PNPLA7: variants seen among roughly 807,000 people sequenced by gnomAD.
PNPLA7 encodes the protein patatin like domain 7, lysophospholipase.
PNPLA7 carries 153 observed loss-of-function variants against 161.7 expected under a neutral mutation model. That is an observed-to-expected ratio of 0.95 (90% confidence interval 0.83 to 1.08). PNPLA7 has a LOEUF of 1.08. Among genes scored for constraint, PNPLA7 ranks in the 50% least tolerant of loss-of-function variants. The pLI, the probability that PNPLA7 is intolerant of heterozygous loss-of-function variation, is 0.00. For synonymous variants in PNPLA7, 809 were observed against 782.1 expected (o/e 1.03, Z -0.57); for missense variants, 1,739 against 1,856.6 (o/e 0.94, Z 1.16).
Position 137,461,524 on chromosome 9 carries a change from G to A in PNPLA7, c.3841+12C>T, listed in dbSNP as rs372337892. 3.7e-6 allele frequency: 6 copies of A among 1,608,984 alleles called. No homozygotes were observed. The highest frequency in any genetic ancestry group is 2.2e-5 in the South Asian group (2 of 90,680). ...GCACGTCTCCACGGCTTCGTCTTGC[G>A]CCTCCACTCACCATCCACCATGGCG... On this transcript the variant is annotated intron_variant, in intron 33 of 34. Coordinates refer to ENST00000406427, the MANE Select transcript of PNPLA7 (RefSeq NM_001098537.3).
intron 14 of PNPLA7, among the ~76,000 whole-genome samples, chr9:137,503,931 AGAAGAAGAAGGAAGAAT>A (rs1564325391): frequency 4.3e-3 from 16 of 3,696 alleles, no homozygotes; most frequent in Admixed American, 0.011. Context: ...AGAAGAAGGA[AGAAGAAGAAGGAAGAAT>A]GAAGAAGAAG....
At chr9:137,477,818 C>T (rs986282160) in intron 25 of PNPLA7, among the ~76,000 whole-genome samples, 1 of 152,210 alleles carries the variant, frequency 6.6e-6, no homozygotes, top group Non-Finnish European at 1.5e-5. Context: ...AAACCAGGGC[C>T]ACTTTGGGTG....
At chr9:137,516,419 T>C in intron 11 of PNPLA7, 2 of 985,152 alleles carry the variant, frequency 2.0e-6, no homozygotes, top group Non-Finnish European at 2.4e-6. Context: ...CCCTGGTCTC[T>C]GCCAAGACCT....
Position 137,461,574 on chromosome 9 carries a change from A to T in PNPLA7, c.3803T>A (p.Val1268Glu). The T allele has an allele frequency of 6.2e-7, 1 of 1,612,806 alleles. No homozygotes were observed. The highest frequency in any genetic ancestry group is 1.1e-5 in the South Asian group (1 of 91,010). Reference sequence around the variant, plus strand: ...GGGCTTGGCGGGCTCAATGCGAGACACAATTTCGGCAAGGTCCGTGAAGGA... The same window carrying T: ...GGGCTTGGCGGGCTCAATGCGAGACTCAATTTCGGCAAGGTCCGTGAAGGA... ...NASFTDLAEI[V>E]SRIEPAKPAM... The change falls in exon 33 of 35, where the codon GTG (valine) becomes GAG (glutamate). Residue 1268 changes from valine (V) to glutamate (E), a missense_variant. Val to Glu is a moderately radical substitution (Grantham distance 121, BLOSUM62 -2). This residue lies in a region of PNPLA7 where 703 missense variants were observed against 694.6 expected (regional missense o/e 1.01). Coordinates refer to ENST00000406427, the MANE Select transcript of PNPLA7 (RefSeq NM_001098537.3).
intron 11 of PNPLA7, among the ~76,000 whole-genome samples, chr9:137,518,420 A>G (rs1182086601): frequency 2.3e-5 from 1 of 43,156 alleles, no homozygotes; most frequent in African/African-American, 1.2e-4. Flanking sequence ...TGCTCACTCC[A>G]TCCCCCACTC....
At chr9:137,518,852 C>A (rs1381049935) in intron 11 of PNPLA7, among the ~76,000 whole-genome samples, 3 of 125,732 alleles carry the variant, frequency 2.4e-5, no homozygotes, top group Admixed American at 1.5e-4. Flanking sequence ...ACTCCATCCC[C>A]CACTCACTCA....
intron 4 of PNPLA7, among the ~76,000 whole-genome samples, chr9:137,544,983 T>C (rs1221629937): frequency 6.6e-6 from 1 of 151,968 alleles, no homozygotes; most frequent in Non-Finnish European, 1.5e-5. Flanking sequence ...CACGAATTAG[T>C]TGTACAACCA....
chr9:137,499,787 C>T lies in PNPLA7; in HGVS notation c.1757+904G>A, dbSNP rs188481988. ...GGATTACAGGCGTGAGCCGCTGCAC[C>T]CAGCCGACCTGTTTTCTTCAGCTGC... On this transcript the variant is annotated intron_variant, in intron 16 of 34. Coordinates refer to ENST00000406427, the MANE Select transcript of PNPLA7 (RefSeq NM_001098537.3). The surrounding 1 kb of genome is among the most constrained non-coding windows in gnomAD (Gnocchi z 5.5). Among the ~76,000 whole-genome samples, 8 of 152,350 alleles carry T rather than the reference C, an allele frequency of 5.3e-5. No homozygotes were observed. The highest frequency in any genetic ancestry group is 8.8e-5 in the Non-Finnish European group (6 of 68,026).
At chr9:137,491,912 T>C in intron 20 of PNPLA7, 1 of 985,282 alleles carries the variant, frequency 1.0e-6, no homozygotes, top group Non-Finnish European at 1.2e-6. Flanking sequence ...GCTGGGCGGA[T>C]GGGGAGGCCA....
At position 137,548,472 on chromosome 9, in the gene PNPLA7, G is replaced by A. The variant is rs577119323; in HGVS notation, c.31-813C>T. Among the ~76,000 whole-genome samples, 14 of 152,328 alleles carry A rather than the reference G, an allele frequency of 9.2e-5. No individual in the cohort carries two copies. In the East Asian group the frequency reaches 2.7e-3, roughly 29 times the overall value. On this transcript the variant is annotated intron_variant, in intron 1 of 34. Coordinates refer to ENST00000406427, the MANE Select transcript of PNPLA7 (RefSeq NM_001098537.3). ...GTGCCAGAAAATCCAGGGAAGGGCC[G>A]GGCGCAGTGGCTCACGCCTGCAATC... is the stretch of plus-strand genomic sequence containing the variant.
intron 23 of PNPLA7, chr9:137,479,619 A>G: frequency 3.0e-6 from 3 of 985,490 alleles, no homozygotes; most frequent in Non-Finnish European, 3.6e-6. Flanking sequence ...TAGCTGCCCC[A>G]GGATTAGCCC....
intron 26 of PNPLA7, among the ~76,000 whole-genome samples, chr9:137,465,522 G>A (rs1286646386): frequency 6.6e-6 from 1 of 152,218 alleles, no homozygotes; most frequent in East Asian, 1.9e-4. Context: ...TCTGTCCCGA[G>A]GACGCTGTCC....
intron 8 of PNPLA7, among the ~76,000 whole-genome samples, chr9:137,539,945 C>A (rs1362798709): frequency 6.6e-6 from 1 of 152,134 alleles, no homozygotes; most frequent in African/African-American, 2.4e-5. Flanking sequence ...GCCCCTACAC[C>A]CAGTTAATTT....
In PNPLA7 at chr9:137,546,820, C is replaced by T. The variant is rs1336071377; in HGVS notation, c.273+10G>A. The T allele has an allele frequency of 6.2e-7, 1 of 1,613,624 alleles. No homozygotes were observed. Among genetic ancestry groups the T allele is most frequent in the Non-Finnish European group, 8.5e-7 (1 of 1,179,958 alleles). On this transcript the variant is annotated intron_variant, in intron 4 of 34. Coordinates refer to ENST00000406427, the MANE Select transcript of PNPLA7 (RefSeq NM_001098537.3). ...GCCGTGTGCAGCCTGGGGCCCCGAG[C>T]AACAGCTACCTTCCTCATGATCTTC...
chr9:137,464,988 C>T (rs923055761), intron 26 of PNPLA7, among the ~76,000 whole-genome samples: 8 of 152,206 alleles, frequency 5.3e-5, no homozygotes, highest in African/African-American at 1.9e-4. Flanking sequence ...CTGGGTGGGC[C>T]TGGGGCCCAT....
intron 25 of PNPLA7, among the ~76,000 whole-genome samples, 192 bp downstream of exon 25, chr9:137,477,842 C>T (rs1342174702): frequency 1.3e-5 from 2 of 152,220 alleles, no homozygotes; most frequent in Admixed American, 6.5e-5. Flanking sequence ...GTGGGCACAC[C>T]GCATGTGCCA....
At chr9:137,474,521 G>C (rs1831850902) in intron 25 of PNPLA7, among the ~76,000 whole-genome samples, 1 of 152,192 alleles carries the variant, frequency 6.6e-6, no homozygotes, top group Non-Finnish European at 1.5e-5. Flanking sequence ...GGAGCGCGAG[G>C]CAGCCCTGGA....
intron 8 of PNPLA7, among the ~76,000 whole-genome samples, chr9:137,531,649 G>A (rs1409784291): frequency 2.6e-5 from 4 of 152,180 alleles, no homozygotes; most frequent in South Asian, 2.1e-4. Context: ...ACCCACTCAC[G>A]CCAATGAATC....
At chr9:137,478,374 A>C (rs1226750309) in intron 24 of PNPLA7, 3 of 350,858 alleles carry the variant, frequency 8.6e-6, no homozygotes, top group Non-Finnish European at 1.5e-5. Flanking sequence ...ACACTGGCAG[A>C]GGGTACGTGG....
Sources: allele counts gnomAD v4.1 joint callset (sites outside exome capture counted in the v4.1 genomes callset), GRCh38; gene constraint gnomAD v4.1.1; regional missense constraint gnomAD v4.1.1; non-coding constraint Gnocchi (gnomAD v3.1); transcripts MANE v1.5; gene names NCBI Gene and HGNC (gene_info 2026-07-23, HGNC 2026-07-21).